PCDH15: variants seen among roughly 807,000 people sequenced by gnomAD.
PCDH15 encodes the protein protocadherin related 15, also known as protocadherin-15.
In PCDH15, 129 loss-of-function variants were observed where a neutral mutation model predicts 178.5. The observed-to-expected ratio is 0.72, with a 90% CI of 0.63 to 0.84. The LOEUF (loss-of-function observed/expected upper bound fraction) is 0.84, where lower values mean the gene tolerates loss of function less well. Among genes scored for constraint, PCDH15 ranks in the 40% least tolerant of loss-of-function variants. PCDH15 has a pLI of 0.00. For synonymous variants in PCDH15, 800 were observed against 732.0 expected (o/e 1.09, Z -1.50); for missense variants, 2,230 against 2,099.9 (o/e 1.06, Z -1.21).
intron 2 of PCDH15, among the ~76,000 whole-genome samples, chr10:55,024,065 A>G (rs1201493521): frequency 3.4e-5 from 2 of 58,994 alleles, no homozygotes; most frequent in Non-Finnish European, 6.5e-5. Flanking sequence ...ATATCTGTGT[A>G]CACACACTCA....
chr10:55,403,746 C>G (rs1269526898), intron 2 of PCDH15, among the ~76,000 whole-genome samples: 1 of 151,978 alleles, frequency 6.6e-6, no homozygotes, highest in African/African-American at 2.4e-5. Flanking sequence ...ATTTCAATGT[C>G]AGATAGTATG....
At chr10:54,058,822 G>A (rs1224127555) in intron 18 of PCDH15, among the ~76,000 whole-genome samples, 1 of 151,714 alleles carries the variant, frequency 6.6e-6, no homozygotes, top group Non-Finnish European at 1.5e-5. Flanking sequence ...GCCTTCCTGG[G>A]TAGCTGGGAT....
intron 1 of PCDH15, among the ~76,000 whole-genome samples, chr10:55,200,008 T>C (rs577080398): frequency 6.6e-6 from 1 of 152,166 alleles, no homozygotes; most frequent in African/African-American, 2.4e-5. Context: ...ACTAGAGCAG[T>C]GTGGAGGGGA....
chr10:53,881,042 C>T (rs936286589), intron 26 of PCDH15, among the ~76,000 whole-genome samples: 4 of 151,644 alleles, frequency 2.6e-5, no homozygotes, highest in Non-Finnish European at 1.5e-5. Context: ...TATACACATG[C>T]ACACATATAT....
At chr10:55,197,092 A>C (rs1840113511) in intron 1 of PCDH15, among the ~76,000 whole-genome samples, 1 of 151,964 alleles carries the variant, frequency 6.6e-6, no homozygotes, top group African/African-American at 2.4e-5. Context: ...TAAAATAAAC[A>C]AGTACTTCTC....
At chr10:53,983,778 G>T (rs1350305793) in intron 21 of PCDH15, among the ~76,000 whole-genome samples, 1 of 152,122 alleles carries the variant, frequency 6.6e-6, no homozygotes, top group African/African-American at 2.4e-5. Context: ...AAAAATTCAT[G>T]TAGCCAAAGG....
At chr10:55,458,488 A>G (rs573962305) in intron 2 of PCDH15, among the ~76,000 whole-genome samples, 1 of 152,190 alleles carries the variant, frequency 6.6e-6, no homozygotes, top group Admixed American at 6.6e-5. Context: ...TGTCTGTTTT[A>G]AAGAAAAATA....
At chr10:54,357,209 G>A (rs1945161387) in intron 5 of PCDH15, among the ~76,000 whole-genome samples, 5 of 152,112 alleles carry the variant, frequency 3.3e-5, no homozygotes, top group Admixed American at 2.0e-4. Flanking sequence ...TAGGAAAAGA[G>A]GAAGTCAAAT....
chr10:54,935,755 C>G (rs1564643801), intron 2 of PCDH15, among the ~76,000 whole-genome samples: 1 of 152,034 alleles, frequency 6.6e-6, no homozygotes, highest in East Asian at 1.9e-4. Flanking sequence ...ATTATTGCCT[C>G]TGAATTTTTT....
chr10:53,942,051 C>A (rs1398538662), intron 23 of PCDH15, among the ~76,000 whole-genome samples: 1 of 152,050 alleles, frequency 6.6e-6, no homozygotes, highest in East Asian at 1.9e-4. Flanking sequence ...ATATCTGGTC[C>A]AAATTGCTTT....
intron 2 of PCDH15, among the ~76,000 whole-genome samples, chr10:55,460,438 G>C (rs1839650278): frequency 6.6e-6 from 1 of 151,816 alleles, no homozygotes; most frequent in Non-Finnish European, 1.5e-5. Flanking sequence ...TTTCATTTTG[G>C]GTGGGTTCTA....
chr10:53,970,143 CA>C lies in PCDH15; in HGVS notation c.2869-8252del, dbSNP rs1203809618. On this transcript the variant is annotated intron_variant, in intron 21 of 37. Transcript: ENST00000644397. ...TTATGTGCAGCGATACACATAGGCTCAAAATAAAGGGATGAAGATCTACCAA... is the reference window on the plus strand; with the variant it reads ...TTATGTGCAGCGATACACATAGGCTCAAATAAAGGGATGAAGATCTACCAA... Among the ~76,000 whole-genome samples, 8 of 151,100 alleles carry C rather than the reference CA, an allele frequency of 5.3e-5. No homozygotes were observed. The East Asian group carries it at 1.6e-3, about 29-fold the overall frequency.
At chr10:54,404,717 C>G (rs932198911) in intron 3 of PCDH15, among the ~76,000 whole-genome samples, 1 of 151,794 alleles carries the variant, frequency 6.6e-6, no homozygotes, top group African/African-American at 2.4e-5. Flanking sequence ...ACAGACAAAC[C>G]TACAGAATGG....
chr10:55,181,659 C>T (rs960434338), intron 1 of PCDH15, among the ~76,000 whole-genome samples: 1 of 151,828 alleles, frequency 6.6e-6, no homozygotes, highest in Non-Finnish European at 1.5e-5. Flanking sequence ...ATTGGAGGAC[C>T]CTACACCAAT....
intron 1 of PCDH15, among the ~76,000 whole-genome samples, chr10:54,709,627 T>TATATATATAA (rs1491235711): frequency 9.9e-5 from 14 of 141,850 alleles, no homozygotes; most frequent in Non-Finnish European, 1.4e-4. Context: ...TATATATATA[T>TATATATATAA]AAAATCACTT....
chr10:54,491,701 A>G (rs905103600), intron 3 of PCDH15, among the ~76,000 whole-genome samples: 7 of 152,188 alleles, frequency 4.6e-5, no homozygotes, highest in African/African-American at 1.7e-4. Flanking sequence ...ATGTTCAGGT[A>G]GTAATTGCTT....
intron 30 of PCDH15, among the ~76,000 whole-genome samples, chr10:53,828,948 A>G (rs1340004290): frequency 6.6e-6 from 1 of 152,132 alleles, no homozygotes; most frequent in Non-Finnish European, 1.5e-5. Context: ...TATTACAGGA[A>G]TGGAGAGAGG....
chr10:54,171,557 T>C (rs1017844557), intron 13 of PCDH15, among the ~76,000 whole-genome samples: 1 of 152,112 alleles, frequency 6.6e-6, no homozygotes, highest in Admixed American at 6.5e-5. Context: ...CATGCCCTGC[T>C]CTTGTTTACA....
intron 2 of PCDH15, among the ~76,000 whole-genome samples, chr10:54,601,068 C>T (rs2092505132): frequency 6.6e-6 from 1 of 152,022 alleles, no homozygotes; most frequent in African/African-American, 2.4e-5. Context: ...TTAAAATGGA[C>T]TTTTCTTCAT....
Sources: allele counts gnomAD v4.1 joint callset (sites outside exome capture counted in the v4.1 genomes callset), GRCh38; gene constraint gnomAD v4.1.1; transcripts MANE v1.5; gene names NCBI Gene and HGNC (gene_info 2026-07-23, HGNC 2026-07-21).